The following PLD5 variants were observed in gnomAD, a reference collection of about 807,000 sequenced individuals.
PLD5 encodes phospholipase D family member 5.
In PLD5, 36 loss-of-function variants were observed where a neutral mutation model predicts 61.1. The ratio of observed to expected loss-of-function variants is 0.59; its 90% confidence interval spans 0.45 to 0.78. The LOEUF is 0.78. Among genes scored for constraint, PLD5 ranks in the 30% least tolerant of loss-of-function variants. The pLI, the probability that PLD5 is intolerant of heterozygous loss-of-function variation, is 0.00. For missense variants in PLD5, 515 were observed against 644.4 expected, an observed-to-expected ratio of 0.80 and a Z score of 2.17; for synonymous variants, 243 against 242.8, an observed-to-expected ratio of 1.00 and a Z score of -0.01.
At chr1:242,297,978 A>G (rs1253009686) in intron 2 of PLD5, among the ~76,000 whole-genome samples, 1 of 152,190 alleles carries the variant, frequency 6.6e-6, no homozygotes, top group Non-Finnish European at 1.5e-5. Flanking sequence ...ATAACCGATT[A>G]CTGTCATCAT....
At position 242,419,227 on chromosome 1, in the gene PLD5, G is replaced by A. The variant is rs143027626; in HGVS notation, c.190-70985C>T. Among the ~76,000 whole-genome samples, 605 of 152,290 alleles carry A rather than the reference G, an allele frequency of 4.0e-3. 5 individuals are homozygous for A. The highest frequency in any genetic ancestry group is 0.014 in the African/African-American group (574 of 41,558). On this transcript the variant is annotated intron_variant, in intron 1 of 9. Transcript: ENST00000536534. ...TGGGTGGCGTGTTCTTACAGCCTGC[G>A]TGACGTTTCTCATGCCATCAGGGAA...
chr1:242,486,184 G>A lies in PLD5; in HGVS notation c.189+37904C>T, dbSNP rs200521381. 3.7e-4 allele frequency among the ~76,000 whole-genome samples: 56 copies of A among 152,210 alleles called. 1 individual carries two copies. In the East Asian group the frequency reaches 9.1e-3, roughly 25 times the overall value. ...GGACTTCATGTCGAAAACACCAAAA[G>A]CAATGGCAACAAAAGACAAAATTGA... On this transcript the variant is annotated intron_variant, in intron 1 of 9. Transcript: ENST00000536534.
At chr1:242,353,440 T>C (rs922758028) in intron 1 of PLD5, among the ~76,000 whole-genome samples, 10 of 152,206 alleles carry the variant, frequency 6.6e-5, no homozygotes, top group South Asian at 2.1e-4. Context: ...ACAGTACAGA[T>C]TGAAATCAGG....
chr1:242,374,151 T>C (rs1212308050), intron 1 of PLD5, among the ~76,000 whole-genome samples: 1 of 152,136 alleles, frequency 6.6e-6, no homozygotes, highest in Non-Finnish European at 1.5e-5. Context: ...CTTTCAGTCA[T>C]TGATAGCAAT....
rs9943061 is a variant in PLD5, at chr1:242,261,311, T to G, written c.607+4026A>C. Among the ~76,000 whole-genome samples, 28 of 152,164 alleles carry G rather than the reference T, an allele frequency of 1.8e-4. No individual in the cohort carries two copies. In the South Asian group the frequency reaches 5.6e-3, roughly 30 times the overall value. On this transcript the variant is annotated intron_variant, in intron 4 of 9. Transcript: ENST00000536534. ...GAACGACCCTCCGTAAGTATAAAAA[T>G]GAACCTTTACTGCTACTTCATACCA...
At chr1:242,326,762 A>G in intron 2 of PLD5, among the ~76,000 whole-genome samples, 1 of 152,046 alleles carries the variant, frequency 6.6e-6, no homozygotes, top group East Asian at 1.9e-4. Flanking sequence ...GCTAGAGTGC[A>G]GTGGCATGAT....
chr1:242,299,052 T>G (rs1237002456), intron 2 of PLD5, among the ~76,000 whole-genome samples: 1 of 152,056 alleles, frequency 6.6e-6, no homozygotes, highest in Non-Finnish European at 1.5e-5. Context: ...TTACAACTTA[T>G]AAGGCAGTTA....
chr1:242,393,752 G>GTA (rs1403034612), intron 1 of PLD5, among the ~76,000 whole-genome samples: 1 of 145,026 alleles, frequency 6.9e-6, no homozygotes, highest in Non-Finnish European at 1.5e-5. Flanking sequence ...ATATATGTGT[G>GTA]TATATGAGTA....
chr1:242,185,773 T>C (rs533833868), intron 5 of PLD5, among the ~76,000 whole-genome samples: 1 of 152,350 alleles, frequency 6.6e-6, no homozygotes, highest in East Asian at 1.9e-4. Flanking sequence ...CTGCTATTTT[T>C]TTTTAAGGTT....
intron 5 of PLD5, among the ~76,000 whole-genome samples, chr1:242,185,859 C>T (rs1459436707): frequency 1.3e-5 from 2 of 151,818 alleles, no homozygotes; most frequent in East Asian, 1.9e-4. Flanking sequence ...TCACAGCTTG[C>T]GGTGTTGACA....
chr1:242,114,892 G>GC (rs200049913), intron 6 of PLD5, among the ~76,000 whole-genome samples: 3,424 of 152,012 alleles, frequency 0.023, 138 homozygotes, highest in African/African-American at 0.077. Flanking sequence ...GAAATAAAGT[G>GC]ACAGCCACGG....
chr1:242,242,045 A>G lies in PLD5; in HGVS notation c.608-21930T>C, dbSNP rs1215384066. On this transcript the variant is annotated intron_variant, in intron 4 of 9. Coordinates refer to ENST00000536534, the MANE Select transcript of PLD5 (RefSeq NM_001372062.1). The stretch of plus-strand genomic sequence containing the variant: ...CACACACACACACACACACACACAC[A>G]TATGGTTGATGGAGAGAAGGATGTG... Among the ~76,000 whole-genome samples the G allele has an allele frequency of 2.1e-5, 3 of 145,856 alleles. No individual in the cohort carries two copies. The East Asian group carries it at 6.0e-4, about 29-fold the overall frequency.
chr1:242,494,830 G>A (rs1668310074), intron 1 of PLD5, among the ~76,000 whole-genome samples: 1 of 150,270 alleles, frequency 6.7e-6, no homozygotes. Context: ...AAACTTTAGT[G>A]GGCTATTTGA....
chr1:242,320,041 T>C (rs1558460768), intron 2 of PLD5, among the ~76,000 whole-genome samples: 1 of 152,336 alleles, frequency 6.6e-6, no homozygotes, highest in African/African-American at 2.4e-5. Context: ...ATTTTTCCTA[T>C]GATTTTGTGT....
At chr1:242,184,579 G>A (rs1285880252) in intron 5 of PLD5, among the ~76,000 whole-genome samples, 1 of 152,066 alleles carries the variant, frequency 6.6e-6, no homozygotes, top group African/African-American at 2.4e-5. Flanking sequence ...CTGTCGGCCA[G>A]GCTAGTCTCG....
chr1:242,347,139 C>CT (rs1188511964), intron 2 of PLD5, among the ~76,000 whole-genome samples: 2 of 152,276 alleles, frequency 1.3e-5, no homozygotes, highest in East Asian at 1.9e-4. Flanking sequence ...ATGGGTTAAA[C>CT]ATAAATGCCA....
At chr1:242,245,936 C>T (rs11799837) in intron 4 of PLD5, among the ~76,000 whole-genome samples, 12,354 of 152,142 alleles carry the variant, frequency 0.081, 637 homozygotes, top group East Asian at 0.16. Flanking sequence ...TTATACCATA[C>T]GCCCAAGTTT....
intron 5 of PLD5, among the ~76,000 whole-genome samples, chr1:242,129,166 A>G (rs1663040641): frequency 6.6e-6 from 1 of 152,174 alleles, no homozygotes; most frequent in Middle Eastern, 3.2e-3. Flanking sequence ...TAATAACTCT[A>G]TTCTAAACAA....
At chr1:242,282,068 T>G (rs928294406) in intron 3 of PLD5, among the ~76,000 whole-genome samples, 8 of 152,146 alleles carry the variant, frequency 5.3e-5, no homozygotes, top group Non-Finnish European at 8.8e-5. Context: ...GCTAACAGAA[T>G]AAACTTGAAC....
Sources: gnomAD v4.1 joint callset for allele counts (sites outside exome capture counted in the v4.1 genomes callset) on GRCh38, gnomAD v4.1.1 for gene constraint, MANE v1.5 for transcripts, NCBI Gene and HGNC (gene_info 2026-07-23, HGNC 2026-07-21) for gene names.